The following PCDHGA2 variants were observed in gnomAD, a reference collection of about 807,000 sequenced individuals.
PCDHGA2 encodes the protein protocadherin gamma-A2.
PCDHGA2 carries 40 observed loss-of-function variants against 59.2 expected under a neutral mutation model. That is an observed-to-expected ratio of 0.68 (90% CI 0.52 to 0.88). PCDHGA2 has a LOEUF of 0.88. PCDHGA2 is among the 40% of genes least tolerant of loss of function. The probability of loss-of-function intolerance (pLI) is 0.00; values close to 1 mark genes in which losing one functional copy is unlikely to be tolerated. For synonymous variants in PCDHGA2, 560 were observed against 526.0 expected, an observed-to-expected ratio of 1.06 and a Z score of -0.89; for missense variants, 1,226 against 1,204.0, an observed-to-expected ratio of 1.02 and a Z score of -0.27.
chr5:141,439,669 A>T (rs983024479), intron 1 of PCDHGA2, among the ~76,000 whole-genome samples: 4 of 152,174 alleles, frequency 2.6e-5, no homozygotes, highest in Non-Finnish European at 5.9e-5. Context: ...ATGGAATGCA[A>T]ATCCAAGAGC....
In PCDHGA2 at chr5:141,422,843, G is replaced by C. The variant is rs778670588; in HGVS notation, c.2425-71964G>C. 1.9e-6 allele frequency: 3 copies of C among 1,614,234 alleles called. No homozygotes were observed. In the East Asian group the frequency reaches 6.7e-5, roughly 36 times the overall value. ...CTGAGAGTGATAGCACGTGACAGCG[G>C]GGACCCGCCCCTCAGCAGCAACGTG... is the stretch of plus-strand genomic sequence containing the variant. On this transcript the variant is annotated intron_variant, in intron 1 of 3. Coordinates refer to ENST00000394576, the MANE Select transcript of PCDHGA2 (RefSeq NM_018915.4).
In PCDHGA2 at chr5:141,415,213, G is replaced by A. The variant is rs750613524; in HGVS notation, c.2424+73818G>A. On this transcript the variant is annotated intron_variant, in intron 1 of 3. Coordinates refer to ENST00000394576, the MANE Select transcript of PCDHGA2 (RefSeq NM_018915.4). ...CATCCCCCAAGTCCTGGCGGACCTC[G>A]GCAGCTTCGAGTCTCCAGCTAACTC... 1.9e-6 allele frequency: 3 copies of A among 1,614,074 alleles called. No individual in the cohort carries two copies. In the East Asian group the frequency reaches 6.7e-5, roughly 36 times the overall value.
At chr5:141,398,273 A>G (rs1223394149) in intron 1 of PCDHGA2, 1 of 1,414,722 alleles carries the variant, frequency 7.1e-7, no homozygotes, top group Non-Finnish European at 9.6e-7. Flanking sequence ...GTAGTGGGGA[A>G]CCTCGCCACG....
intron 1 of PCDHGA2, chr5:141,426,946 C>A (rs565370434): frequency 2.2e-6 from 1 of 456,786 alleles, no homozygotes; most frequent in South Asian, 1.5e-5. Flanking sequence ...CCAGTCCCAA[C>A]TGGCACTGCT....
intron 1 of PCDHGA2, chr5:141,415,035 C>T (rs368588973): frequency 8.9e-5 from 143 of 1,613,460 alleles, no homozygotes; most frequent in Non-Finnish European, 1.1e-4. Flanking sequence ...AGCCGGGACT[C>T]TTCGCGGTGG....
chr5:141,490,051 G>A lies in PCDHGA2; in HGVS notation c.2425-4756G>A, dbSNP rs779280988. The A allele has an allele frequency of 6.2e-6, 10 of 1,614,094 alleles. No homozygotes were observed. Among genetic ancestry groups the A allele is most frequent in the Admixed American group, 5.0e-5 (3 of 60,012 alleles). ...CCGCCTCAATGCCACTGATCCAGAC[G>A]AGGGCACCAACGGCCAACTAGACTA... On this transcript the variant is annotated intron_variant, in intron 1 of 3. Coordinates refer to ENST00000394576, the MANE Select transcript of PCDHGA2 (RefSeq NM_018915.4). The surrounding 1 kb of genome is among the most constrained non-coding windows in gnomAD (Gnocchi z 5.4).
intron 1 of PCDHGA2, chr5:141,394,953 C>T (rs749925118): frequency 6.2e-7 from 1 of 1,613,886 alleles, no homozygotes; most frequent in Non-Finnish European, 8.5e-7. Context: ...GCTTCTGGGG[C>T]TCAGGCTGAG....
intron 1 of PCDHGA2, chr5:141,388,375 G>A (rs2091339163): frequency 7.4e-6 from 12 of 1,613,962 alleles, no homozygotes; most frequent in Non-Finnish European, 1.0e-5. Flanking sequence ...GATATTGGTA[G>A]CAACACACTG....
At chr5:141,353,298 T>C (rs1759240149) in intron 1 of PCDHGA2, among the ~76,000 whole-genome samples, 1 of 152,238 alleles carries the variant, frequency 6.6e-6, no homozygotes, top group Non-Finnish European at 1.5e-5. Flanking sequence ...CTTAGCTCTT[T>C]ATAAATGTAT....
At chr5:141,496,869 A>G (rs2099772006) in intron 2 of PCDHGA2, among the ~76,000 whole-genome samples, 1 of 150,116 alleles carries the variant, frequency 6.7e-6, no homozygotes, top group African/African-American at 2.5e-5. Context: ...GAGACTGAAA[A>G]TTTGCAACAA....
chr5:141,415,406 T>G, intron 1 of PCDHGA2: 1 of 1,614,208 alleles, frequency 6.2e-7, no homozygotes. Flanking sequence ...GGCTCGCACT[T>G]TGTGGGCGTG....
At chr5:141,409,723 G>T (rs781363259) in intron 1 of PCDHGA2, 1 of 1,613,154 alleles carries the variant, frequency 6.2e-7, no homozygotes, top group Non-Finnish European at 8.5e-7. Flanking sequence ...ACGTGTCAGT[G>T]AGCGCGCAGA....
Position 141,350,513 on chromosome 5 carries a change from G to A in PCDHGA2, c.2424+9118G>A, listed in dbSNP as rs750772635. 45 of 1,613,992 alleles carry A rather than the reference G, an allele frequency of 2.8e-5. 1 individual carries two copies. The South Asian group carries it at 4.3e-4, about 15-fold the overall frequency. ...GGAGAGCGGGGATTTGTTAGTGAAC[G>A]GTAGGATAGATCGAGAGAAGATTTG... On this transcript the variant is annotated intron_variant, in intron 1 of 3. Coordinates refer to ENST00000394576, the MANE Select transcript of PCDHGA2 (RefSeq NM_018915.4).
At chr5:141,375,966 C>A (rs373365863) in intron 1 of PCDHGA2, 4 of 1,613,374 alleles carry the variant, frequency 2.5e-6, no homozygotes, top group Non-Finnish European at 2.5e-6. Context: ...GAGGTGCGCA[C>A]GGCGCGCGCC....
chr5:141,466,197 G>A (rs2099118639), intron 1 of PCDHGA2, among the ~76,000 whole-genome samples: 1 of 151,666 alleles, frequency 6.6e-6, no homozygotes, highest in South Asian at 2.1e-4. Flanking sequence ...TTCAGACACA[G>A]CCTTGCTCTG....
chr5:141,352,541 T>A, intron 1 of PCDHGA2: 1 of 1,613,748 alleles, frequency 6.2e-7, no homozygotes, highest in Non-Finnish European at 8.5e-7. Context: ...AAAGACAGAG[T>A]TTAATTCTCT....
chr5:141,400,282 G>T (rs774476991), intron 1 of PCDHGA2: 2 of 1,613,974 alleles, frequency 1.2e-6, no homozygotes, highest in Non-Finnish European at 1.7e-6. Context: ...CAGCCCTGCC[G>T]CCTGGAGCTG....
intron 1 of PCDHGA2, chr5:141,441,834 C>T (rs370689467): frequency 2.6e-5 from 9 of 352,638 alleles, no homozygotes; most frequent in Non-Finnish European, 3.9e-5. Flanking sequence ...GCAATGGCTT[C>T]GCGCTCTTGG....
At chr5:141,430,628 C>A in intron 1 of PCDHGA2, 2 of 798,952 alleles carry the variant, frequency 2.5e-6, no homozygotes, top group Non-Finnish European at 3.7e-6. Context: ...TAGGAATGAA[C>A]CATCCCTGGG....
Sources: allele counts gnomAD v4.1 joint callset (sites outside exome capture counted in the v4.1 genomes callset), GRCh38; gene constraint gnomAD v4.1.1; non-coding constraint Gnocchi (gnomAD v3.1); transcripts MANE v1.5; gene names NCBI Gene and HGNC (gene_info 2026-07-23, HGNC 2026-07-21).